Variants in MESD observed in about 807,000 individuals in gnomAD.
MESD encodes the protein LRP chaperone MESD.
MESD carries 7 observed loss-of-function variants against 12.9 expected under a neutral mutation model. The observed-to-expected ratio is 0.54, with a 90% CI of 0.31 to 1.02. The LOEUF (loss-of-function observed/expected upper bound fraction) is 1.02. Among genes scored for constraint, MESD ranks in the 50% least tolerant of loss-of-function variants. The pLI is 0.05. For missense variants in MESD, 342 were observed against 296.7 expected (o/e 1.15, Z -1.12); for synonymous variants, 126 against 115.6 (o/e 1.09, Z -0.58).
rs140887419 is a variant in MESD, at chr15:80,965,501, C to A, written c.*289-13205G>T. Among the ~76,000 whole-genome samples, 584 of 152,278 alleles carry A rather than the reference C, an allele frequency of 3.8e-3. 3 individuals carry two copies. The highest frequency in any genetic ancestry group is 0.016 in the South Asian group (76 of 4,822). ...TCATGTTGCTATAAAGACACATGCA[C>A]ACATATGTTTATTGTGGCACCATTC... On this transcript the variant is annotated intron_variant, in intron 3 of 4. Transcript: ENST00000561312.
Position 80,979,110 on chromosome 15 carries a change from C to T in MESD, c.*109G>A. On this transcript the variant is annotated 3_prime_UTR_variant, in exon 3 of 3. Coordinates refer to ENST00000261758, the MANE Select transcript of MESD (RefSeq NM_015154.3). Reference sequence around the variant, plus strand: ...TGTGGCAGACCCTTTCTAGAAGACACTAGAATGTCATCCGGTGTGCAGTTG... The same window carrying T: ...TGTGGCAGACCCTTTCTAGAAGACATTAGAATGTCATCCGGTGTGCAGTTG... 1 of 1,440,850 alleles carries T rather than the reference C, an allele frequency of 6.9e-7. No homozygotes were observed. The highest frequency in any genetic ancestry group is 9.4e-7 in the Non-Finnish European group (1 of 1,068,086). The allele number at this position is 1,440,850 out of a possible 1,614,324, so 89.3% of individuals were successfully genotyped here.
intron 3 of MESD, among the ~76,000 whole-genome samples, chr15:80,959,387 T>C (rs1463468933): frequency 3.3e-5 from 5 of 152,170 alleles, no homozygotes; most frequent in African/African-American, 9.7e-5. Context: ...CAAGTGTACA[T>C]TGTGGAAATT....
At chr15:80,946,926 G>A (rs756113510), downstream of MESD, 21 of 1,407,814 alleles carry the variant, frequency 1.5e-5, no homozygotes, top group Non-Finnish European at 2.1e-5. Context: ...TCTCCAGTTT[G>A]CTCTCTCCCT....
At chr15:80,949,013 C>T (rs1901696448) in intron 4 of MESD, 1 of 1,553,244 alleles carries the variant, frequency 6.4e-7, no homozygotes, top group Non-Finnish European at 8.9e-7. Context: ...GTCCCCCAGC[C>T]CCTGCCAGCA....
At chr15:80,954,157 G>A (rs1901914014) in intron 3 of MESD, among the ~76,000 whole-genome samples, 3 of 152,156 alleles carry the variant, frequency 2.0e-5, no homozygotes, top group Admixed American at 2.0e-4. Context: ...AGCCTTCTCT[G>A]ACCCATGCCT....
intron 3 of MESD, chr15:80,953,131 G>A: frequency 2.2e-6 from 1 of 455,194 alleles, no homozygotes; most frequent in South Asian, 1.6e-5. Flanking sequence ...GAACACCTGG[G>A]CATAAATCAA....
At chr15:80,971,166 CTT>C (rs1237372289), downstream of MESD, among the ~76,000 whole-genome samples, 1 of 152,220 alleles carries the variant, frequency 6.6e-6, no homozygotes. Flanking sequence ...TACTGCAAGT[CTT>C]TGTGGAAGAG....
intron 2 of MESD, among the ~76,000 whole-genome samples, chr15:80,980,507 CT>C (rs1281162401): frequency 6.6e-6 from 1 of 152,216 alleles, no homozygotes; most frequent in Non-Finnish European, 1.5e-5. Context: ...TGAGCAGAAA[CT>C]TCTAGCTGAA....
downstream of MESD, among the ~76,000 whole-genome samples, chr15:80,973,408 G>A (rs1020000599): frequency 2.6e-5 from 4 of 151,932 alleles, no homozygotes; most frequent in Admixed American, 6.6e-5. Flanking sequence ...GTGTAGTGGC[G>A]TGCACCTGTA....
downstream of MESD, among the ~76,000 whole-genome samples, chr15:80,972,267 CAGG>C (rs1902304217): frequency 6.6e-6 from 1 of 152,196 alleles, no homozygotes; most frequent in South Asian, 2.1e-4. Context: ...TATCAAAACT[CAGG>C]AGGTCGAACA....
chr15:80,969,305 G>C (rs1437972700), intron 3 of MESD, among the ~76,000 whole-genome samples: 2 of 152,190 alleles, frequency 1.3e-5, no homozygotes, highest in African/African-American at 4.8e-5. Context: ...ACTCCATGCT[G>C]AAAGACATTG....
intron 1 of MESD, among the ~76,000 whole-genome samples, chr15:80,987,331 C>G (rs374830838): frequency 1.3e-5 from 2 of 152,308 alleles, no homozygotes. Context: ...ATAAAAAACA[C>G]TGCTACTGGG....
rs1902498250 is a variant in MESD at position 80,979,031 on chromosome 15, T to G, written c.*188A>C. On this transcript the variant is annotated 3_prime_UTR_variant, in exon 3 of 3. Transcript: ENST00000261758. ...TGTCCAGTATTAATTAGAAAACATC[T>G]GTCTTCTTACTTGAAGCCTATTAAG... The G allele has an allele frequency of 2.9e-6, 2 of 686,542 alleles. No individual in the cohort carries two copies. The highest frequency in any genetic ancestry group is 4.8e-6 in the Non-Finnish European group (2 of 416,918). 42.5% of individuals were successfully genotyped at this position (686,542 alleles called of 1,614,324 possible).
chr15:80,957,575 C>A (rs1228037362), intron 3 of MESD, among the ~76,000 whole-genome samples: 1 of 151,928 alleles, frequency 6.6e-6, no homozygotes, highest in African/African-American at 2.4e-5. Flanking sequence ...TTGGAAGAAA[C>A]TTGGCAATCC....
At chr15:80,953,901 GGC>G (rs1282652732) in intron 3 of MESD, among the ~76,000 whole-genome samples, 1 of 152,134 alleles carries the variant, frequency 6.6e-6, no homozygotes. Flanking sequence ...CATACCCACA[GGC>G]ACACAGGGTA....
exon 5 of MESD, chr15:80,948,533 GT>G: frequency 1.9e-6 from 1 of 517,478 alleles, no homozygotes; most frequent in South Asian, 2.0e-5. Context: ...ATTTCCTGCT[GT>G]GCATGGCTCC....
At chr15:80,981,273 T>A (rs1385402523) in intron 2 of MESD, among the ~76,000 whole-genome samples, 12 of 150,442 alleles carry the variant, frequency 8.0e-5, no homozygotes, top group Non-Finnish European at 1.6e-4. Context: ...CCGTCTCTAT[T>A]AAAAATACAA....
chr15:80,953,715 G>A (rs1901902650), intron 3 of MESD, among the ~76,000 whole-genome samples: 1 of 152,204 alleles, frequency 6.6e-6, no homozygotes, highest in South Asian at 2.1e-4. Context: ...TGTAGGAGTT[G>A]CTGGAGGAAA....
At chr15:80,985,895 T>G (rs573540355) in intron 1 of MESD, among the ~76,000 whole-genome samples, 27 of 152,224 alleles carry the variant, frequency 1.8e-4, no homozygotes, top group African/African-American at 6.5e-4. Context: ...GCTCGAAGGA[T>G]TCACCCGCCT....
Sources: gnomAD v4.1 joint callset for allele counts (sites outside exome capture counted in the v4.1 genomes callset) on GRCh38, gnomAD v4.1.1 for gene constraint, MANE v1.5 for transcripts, NCBI Gene and HGNC (gene_info 2026-07-23, HGNC 2026-07-21) for gene names.